The following MYO1D variants were observed in gnomAD, a reference collection of about 807,000 sequenced individuals.
MYO1D encodes myosin ID, also known as unconventional myosin-Id.
Under a neutral mutation model 122.0 loss-of-function variants are expected in MYO1D, and 83 were observed. The ratio of observed to expected loss-of-function variants is 0.68; its 90% CI spans 0.57 to 0.82. MYO1D has a LOEUF of 0.82. Ranked by LOEUF, MYO1D falls within the 40% of genes least tolerant of loss-of-function variation. MYO1D has a pLI of 0.00. For missense variants in MYO1D, 1,157 were observed against 1,269.5 expected, an observed-to-expected ratio of 0.91 and a Z score of 1.35; for synonymous variants, 464 against 446.9, an observed-to-expected ratio of 1.04 and a Z score of -0.48.
chr17:32,757,652 G>C (rs1177442501), intron 10 of MYO1D, among the ~76,000 whole-genome samples: 1 of 152,106 alleles, frequency 6.6e-6, no homozygotes, highest in Non-Finnish European at 1.5e-5. Context: ...TGAAATTAAA[G>C]ACGAAGTCTT....
intron 1 of MYO1D, among the ~76,000 whole-genome samples, chr17:32,820,560 T>C (rs924247662): frequency 6.6e-6 from 1 of 152,130 alleles, no homozygotes; most frequent in Non-Finnish European, 1.5e-5. Flanking sequence ...ACTTACAATA[T>C]GGAATCTAAA....
intron 1 of MYO1D, among the ~76,000 whole-genome samples, chr17:32,843,729 T>C (rs2090907179): frequency 6.6e-6 from 1 of 152,176 alleles, no homozygotes; most frequent in Non-Finnish European, 1.5e-5. Flanking sequence ...CGAAAGGACA[T>C]ATACACAAAC....
chr17:32,817,041 T>C (rs2151054493), intron 1 of MYO1D, among the ~76,000 whole-genome samples: 1 of 152,340 alleles, frequency 6.6e-6, no homozygotes. Context: ...GTACTAGATG[T>C]ATTGCTATAA....
chr17:32,508,693 G>A (rs1347608867), intron 21 of MYO1D, among the ~76,000 whole-genome samples: 1 of 152,186 alleles, frequency 6.6e-6, no homozygotes, highest in Non-Finnish European at 1.5e-5. Context: ...AGCACGAGGT[G>A]AATTTCCTTT....
chr17:32,550,875 T>C lies in MYO1D; in HGVS notation c.2864+54212A>G, dbSNP rs8073840. Among the ~76,000 whole-genome samples the C allele has an allele frequency of 8.1e-3, 1,235 of 152,056 alleles. 20 individuals carry two copies. The highest frequency in any genetic ancestry group is 0.027 in the African/African-American group (1,123 of 41,482). Reference sequence around the variant, plus strand: ...GCTAGGTTTCAGCTACTTGGGTGGCTGAGGTGGGAGGATCACTTGAGCCTG... The same window carrying C: ...GCTAGGTTTCAGCTACTTGGGTGGCCGAGGTGGGAGGATCACTTGAGCCTG... On this transcript the variant is annotated intron_variant, in intron 21 of 21. Transcript: ENST00000318217.
intron 13 of MYO1D, among the ~76,000 whole-genome samples, chr17:32,744,969 G>C (rs2089816518): frequency 6.6e-6 from 1 of 152,228 alleles, no homozygotes; most frequent in Non-Finnish European, 1.5e-5. Context: ...GCTGGCAGCA[G>C]TGAGCACAGA....
At chr17:32,821,084 T>C (rs2090657774) in intron 1 of MYO1D, among the ~76,000 whole-genome samples, 1 of 152,202 alleles carries the variant, frequency 6.6e-6, no homozygotes, top group East Asian at 1.9e-4. Context: ...GTCCATGTGT[T>C]CTCATCATTT....
At chr17:32,507,387 G>C (rs1218424345) in intron 21 of MYO1D, among the ~76,000 whole-genome samples, 1 of 152,182 alleles carries the variant, frequency 6.6e-6, no homozygotes, top group African/African-American at 2.4e-5. Context: ...CTGGGTGACA[G>C]AGCGAGACCC....
intron 16 of MYO1D, among the ~76,000 whole-genome samples, chr17:32,693,210 C>A (rs563569792): frequency 3.7e-4 from 57 of 152,274 alleles, no homozygotes; most frequent in African/African-American, 1.3e-3. Context: ...ATCTCTTGAG[C>A]TTGTAGCAAT....
chr17:32,802,982 T>C (rs747341442), intron 1 of MYO1D, among the ~76,000 whole-genome samples: 4 of 152,092 alleles, frequency 2.6e-5, no homozygotes, highest in Non-Finnish European at 5.9e-5. Context: ...AAACTGTCTA[T>C]GGAAGTTAGG....
At chr17:32,547,081 T>TG (rs200988975) in intron 21 of MYO1D, among the ~76,000 whole-genome samples, 2,074 of 151,794 alleles carry the variant, frequency 0.014, 46 homozygotes, top group African/African-American at 0.047. Context: ...AAACATTTTT[T>TG]TTTTTGTAAA....
At chr17:32,586,661 G>A (rs1012559695) in intron 21 of MYO1D, among the ~76,000 whole-genome samples, 5 of 152,066 alleles carry the variant, frequency 3.3e-5, no homozygotes, top group Admixed American at 6.5e-5. Context: ...TTCTAAGTAC[G>A]TATAAACTAT....
intron 16 of MYO1D, among the ~76,000 whole-genome samples, chr17:32,679,744 G>C (rs1317538197): frequency 1.6e-4 from 24 of 151,650 alleles, no homozygotes; most frequent in African/African-American, 5.4e-4. Flanking sequence ...GCAGTGCGGG[G>C]TCTTTTTTGG....
At chr17:32,728,111 C>T (rs930295657) in intron 14 of MYO1D, among the ~76,000 whole-genome samples, 1 of 151,952 alleles carries the variant, frequency 6.6e-6, no homozygotes, top group Non-Finnish European at 1.5e-5. Flanking sequence ...AAACACCTTT[C>T]AATGTTTACA....
chr17:32,495,050 G>T, intron 21 of MYO1D, 135 bp from the exon 22 acceptor site: 1 of 1,141,200 alleles, frequency 8.8e-7, no homozygotes, highest in Non-Finnish European at 1.2e-6. Context: ...TGCCTGAAGG[G>T]CCCCAGAGAG....
chr17:32,839,866 A>T (rs1189704056), intron 1 of MYO1D, among the ~76,000 whole-genome samples: 7 of 152,214 alleles, frequency 4.6e-5, no homozygotes, highest in Non-Finnish European at 8.8e-5. Flanking sequence ...AAAATTTAAG[A>T]AATTGAAGAT....
At chr17:32,647,982 G>C (rs1222456515) in intron 19 of MYO1D, among the ~76,000 whole-genome samples, 2 of 152,174 alleles carry the variant, frequency 1.3e-5, no homozygotes, top group African/African-American at 4.8e-5. Context: ...GGGAGGCCTA[G>C]GTGGGCAGAT....
At chr17:32,546,616 C>A (rs1485119360) in intron 21 of MYO1D, among the ~76,000 whole-genome samples, 5 of 152,232 alleles carry the variant, frequency 3.3e-5, no homozygotes, top group Non-Finnish European at 7.3e-5. Context: ...TTGTGGGGGG[C>A]ATGGCTGCCA....
chr17:32,684,173 A>C (rs1179130665), intron 16 of MYO1D: 3 of 156,562 alleles, frequency 1.9e-5, no homozygotes, highest in Non-Finnish European at 4.2e-5. Flanking sequence ...TGAACCCGGT[A>C]CCTCAGATGG....
Sources: gnomAD v4.1 joint callset for allele counts (sites outside exome capture counted in the v4.1 genomes callset) on GRCh38, gnomAD v4.1.1 for gene constraint, MANE v1.5 for transcripts, NCBI Gene and HGNC (gene_info 2026-07-23, HGNC 2026-07-21) for gene names.